The following N4BP1 variants were observed in gnomAD, a reference collection of about 807,000 sequenced individuals.
N4BP1 encodes the protein NEDD4-binding protein 1.
N4BP1 carries 21 observed loss-of-function variants against 70.9 expected under a neutral mutation model. That is an observed-to-expected ratio of 0.30 (90% CI 0.21 to 0.43). The LOEUF (loss-of-function observed/expected upper bound fraction) is 0.43. N4BP1 is among the 20% of genes least tolerant of loss of function. The pLI is 1.00. For synonymous variants in N4BP1, 387 were observed against 394.6 expected (o/e 0.98, Z 0.23); for missense variants, 936 against 1,069.4 (o/e 0.88, Z 1.74).
intron 1 of N4BP1, among the ~76,000 whole-genome samples, chr16:48,573,661 G>T (rs1381443505): frequency 2.0e-5 from 3 of 151,806 alleles, no homozygotes; most frequent in Non-Finnish European, 4.4e-5. Flanking sequence ...ACAGATAAGG[G>T]GTACCGACAC....
chr16:48,606,849 C>T (rs1964590193), intron 1 of N4BP1, among the ~76,000 whole-genome samples: 1 of 152,216 alleles, frequency 6.6e-6, no homozygotes, highest in Admixed American at 6.5e-5. Context: ...AGTTGAAAAA[C>T]TCTTCTTTGC....
At chr16:48,579,991 C>G (rs943105598) in intron 1 of N4BP1, among the ~76,000 whole-genome samples, 2 of 151,884 alleles carry the variant, frequency 1.3e-5, no homozygotes, top group African/African-American at 4.8e-5. Context: ...AAGGGATAGA[C>G]TATAATACAA....
intron 1 of N4BP1, among the ~76,000 whole-genome samples, chr16:48,592,222 C>G (rs1161735928): frequency 1.3e-5 from 2 of 152,172 alleles, no homozygotes; most frequent in African/African-American, 4.8e-5. Context: ...GGGCAAGATT[C>G]CATCCCCCCA....
Position 48,541,357 on chromosome 16 carries a change from C to T in N4BP1, c.*1547G>A, listed in dbSNP as rs1418388921. ...TGCTTCCACAGCTGGGTGACTTGGCCATAGGCCCAAACAATGGACAACCAG... is the reference window on the plus strand; with the variant it reads ...TGCTTCCACAGCTGGGTGACTTGGCTATAGGCCCAAACAATGGACAACCAG... On this transcript the variant is annotated 3_prime_UTR_variant, in exon 7 of 7. Transcript: ENST00000262384. 6.6e-6 allele frequency: 1 copy of T among 152,296 alleles called. No homozygotes were observed. The allele number at this position is 152,296 out of a possible 1,614,324, so 9.4% of individuals were successfully genotyped here.
Position 48,546,222 on chromosome 16 carries a change from A to T in N4BP1, c.2258T>A (p.Phe753Tyr). The T allele has an allele frequency of 6.2e-7, 1 of 1,612,014 alleles. No individual in the cohort carries two copies. Among genetic ancestry groups the T allele is most frequent in the Non-Finnish European group, 8.5e-7 (1 of 1,179,190 alleles). ...TCCCAGAGGATCATCGGGAACCATA[A>T]ATATGTCCCCCACGAACGTGTACTG... ...LLQYTFVGDI[F>Y]MVPDDPLGRS... The change falls in exon 6 of 7, where the codon TTT becomes TAT. Residue 753 changes from phenylalanine to tyrosine, a missense_variant. Phe to Tyr is a conservative substitution (Grantham distance 22). Transcript: ENST00000262384.
At chr16:48,580,366 T>G (rs1964159394) in intron 1 of N4BP1, among the ~76,000 whole-genome samples, 1 of 152,094 alleles carries the variant, frequency 6.6e-6, no homozygotes, top group African/African-American at 2.4e-5. Context: ...ACATACAACC[T>G]ACCAAGATTG....
intron 1 of N4BP1, among the ~76,000 whole-genome samples, chr16:48,575,762 C>T (rs1964083442): frequency 1.3e-5 from 2 of 152,174 alleles, no homozygotes; most frequent in Non-Finnish European, 2.9e-5. Context: ...GAGCAAATGG[C>T]AATGGACAAA....
In N4BP1 at chr16:48,553,585, A is replaced by C. The variant is rs762910694; in HGVS notation, c.1974T>G (p.Thr658=). 6.2e-7 allele frequency: 1 copy of C among 1,608,686 alleles called. No homozygotes were observed. Residue 658 remains threonine, a synonymous_variant, in exon 3 of 7, where the codon ACT becomes ACG. Transcript: ENST00000262384. ...TTGTTCTCCACTGAGGGACAAATACAGTGATGTTTCTGTTGCCAAGCTTCC... is the reference window on the plus strand; with the variant it reads ...TTGTTCTCCACTGAGGGACAAATACCGTGATGTTTCTGTTGCCAAGCTTCC... The part of the protein sequence containing the change: ...YFWKLGNRNI[T]VFVPQWRTRR...
chr16:48,572,825 G>C (rs1195872057), intron 1 of N4BP1, among the ~76,000 whole-genome samples: 3 of 152,122 alleles, frequency 2.0e-5, no homozygotes, highest in Non-Finnish European at 4.4e-5. Context: ...GATGAAAACA[G>C]GGCAGATACA....
At chr16:48,589,804 C>T (rs755663913) in intron 1 of N4BP1, among the ~76,000 whole-genome samples, 11 of 152,178 alleles carry the variant, frequency 7.2e-5, no homozygotes, top group African/African-American at 2.7e-4. Context: ...GAAATTATGA[C>T]AGTGAAAGAG....
chr16:48,572,201 A>G (rs1964028975), intron 1 of N4BP1, among the ~76,000 whole-genome samples: 1 of 152,196 alleles, frequency 6.6e-6, no homozygotes, highest in African/African-American at 2.4e-5. Flanking sequence ...CCTGTCTCTA[A>G]ATAAATAAAT....
In N4BP1 at chr16:48,595,440, G is replaced by T. The variant is rs147366994; in HGVS notation, c.198+14335C>A. On this transcript the variant is annotated intron_variant, in intron 1 of 6. Transcript: ENST00000262384. ...CCACTGCACTCAAGCCTGGGCAATA[G>T]AGTGAGACTCTGTCTCAAAAAAAAA... is the stretch of plus-strand genomic sequence containing the variant. Among the ~76,000 whole-genome samples the T allele has an allele frequency of 4.0e-3, 476 of 119,524 alleles. 2 individuals carry two copies. Among genetic ancestry groups the T allele is most frequent in the Middle Eastern group, 0.013 (2 of 154 alleles). 78.4% of individuals were successfully genotyped at this position (119,524 alleles called of 152,430 possible). A position where few individuals can be genotyped will look rare whatever the true frequency, so the allele number is the denominator to read the frequency against.
chr16:48,581,909 A>T (rs1349664084), intron 1 of N4BP1, among the ~76,000 whole-genome samples: 2 of 152,278 alleles, frequency 1.3e-5, no homozygotes, highest in East Asian at 3.9e-4. Context: ...TGATTTTTTT[A>T]AAATACAACC....
chr16:48,554,704 G>A (rs902925222), intron 2 of N4BP1, among the ~76,000 whole-genome samples: 5 of 152,190 alleles, frequency 3.3e-5, no homozygotes, highest in Admixed American at 3.3e-4. Context: ...TTCTCTCCAT[G>A]TCTAATGCTG....
chr16:48,565,050 A>G lies in N4BP1; in HGVS notation c.199-2606T>C, dbSNP rs181271166. On this transcript the variant is annotated intron_variant, in intron 1 of 6. Coordinates refer to ENST00000262384, the MANE Select transcript of N4BP1 (RefSeq NM_153029.4). ...TTCCTGAACTCACTTATTCCTATTG[A>G]AAGTTCAAGGATCTGTGTGTATGTG... Among the ~76,000 whole-genome samples the G allele has an allele frequency of 1.1e-4, 16 of 152,338 alleles. No individual in the cohort carries two copies. The East Asian group carries it at 2.9e-3, about 28-fold the overall frequency.
Position 48,541,248 on chromosome 16 carries a change from T to C in N4BP1, c.*1656A>G, listed in dbSNP as rs370502581. The C allele has an allele frequency of 1.1e-4, 16 of 152,332 alleles. No individual in the cohort carries two copies. In the East Asian group the frequency reaches 2.9e-3, roughly 28 times the overall value. The allele number at this position is 152,332 out of a possible 1,614,324, so 9.4% of individuals were successfully genotyped here. Reference sequence around the variant, plus strand: ...GACAGCTCCAGCCCGCACACCTCAGTTGTGCTTTTGAAAACAGGTACAAAG... The same window carrying C: ...GACAGCTCCAGCCCGCACACCTCAGCTGTGCTTTTGAAAACAGGTACAAAG... On this transcript the variant is annotated 3_prime_UTR_variant, in exon 7 of 7. Transcript: ENST00000262384.
At chr16:48,608,936 C>A (rs1964629491) in intron 1 of N4BP1, among the ~76,000 whole-genome samples, 1 of 151,392 alleles carries the variant, frequency 6.6e-6, no homozygotes, top group Non-Finnish European at 1.5e-5. Flanking sequence ...ATTAAATATC[C>A]GGCCGGGGTG....
rs1963708178 is a variant in N4BP1, at chr16:48,553,666, A to G, written c.1893T>C (p.His631=). 1 of 1,570,232 alleles carries G rather than the reference A, an allele frequency of 6.4e-7. No individual in the cohort carries two copies. Among genetic ancestry groups the G allele is most frequent in the Non-Finnish European group, 8.6e-7 (1 of 1,160,538 alleles). ...GACAAGAAAAGAACTTTTTCAGACC[A>G]TGGCTAGAAATTACAAAGTAAAGAA... ...VIDGSNVAIT[H]GLKKFFSCRG... The change falls in exon 3 of 7, where the codon CAT becomes CAC. Residue 631 remains histidine (H), a synonymous_variant. Coordinates refer to ENST00000262384, the MANE Select transcript of N4BP1 (RefSeq NM_153029.4).
At chr16:48,604,725 T>C (rs1331481434) in intron 1 of N4BP1, among the ~76,000 whole-genome samples, 8 of 152,240 alleles carry the variant, frequency 5.3e-5, no homozygotes, top group African/African-American at 9.6e-5. Flanking sequence ...AAATATTTTA[T>C]TCATATAATT....
Sources: allele counts gnomAD v4.1 joint callset (sites outside exome capture counted in the v4.1 genomes callset), GRCh38; gene constraint gnomAD v4.1.1; transcripts MANE v1.5; gene names NCBI Gene and HGNC (gene_info 2026-07-23, HGNC 2026-07-21).